WDR1: variants seen among roughly 807,000 people sequenced by gnomAD.
WDR1 encodes the protein WD repeat-containing protein 1.
A neutral mutation model predicts 71.9 loss-of-function variants in WDR1; 21 were observed. The observed-to-expected ratio is 0.29, with a 90% CI of 0.21 to 0.42. The LOEUF (loss-of-function observed/expected upper bound fraction) is 0.42. Among genes scored for constraint, WDR1 ranks in the 10% least tolerant of loss-of-function variants. The pLI, the probability that WDR1 is intolerant of heterozygous loss-of-function variation, is 1.00. For synonymous variants in WDR1, 424 were observed against 347.4 expected (o/e 1.22, Z -2.45); for missense variants, 696 against 824.5 (o/e 0.84, Z 1.91).
chr4:10,113,602 C>T (rs1342127540), intron 2 of WDR1, among the ~76,000 whole-genome samples: 1 of 152,106 alleles, frequency 6.6e-6, no homozygotes, highest in Non-Finnish European at 1.5e-5. Flanking sequence ...GTGAACAGAC[C>T]CCCAGGGCAA....
rs1325310061 is a variant in WDR1, at chr4:10,104,954, T to C, written c.139-968A>G. Among the ~76,000 whole-genome samples, 3 of 148,272 alleles carry C rather than the reference T, an allele frequency of 2.0e-5. No individual in the cohort carries two copies. The East Asian group carries it at 6.4e-4, about 31-fold the overall frequency. On this transcript the variant is annotated intron_variant, in intron 2 of 14. Transcript: ENST00000499869. ...CCACCCCTCATCTCCCTTAGACCCC[T>C]CCTCAAGACCTGAGGGGCCCCCATC...
rs2241469 is a variant in WDR1, at chr4:10,078,838, A to C, written c.1395+53T>G. On this transcript the variant is annotated intron_variant, in intron 12 of 14. Transcript: ENST00000499869. The stretch of plus-strand genomic sequence containing the variant: ...TACTCACACAGCTCACACTGTCCCC[A>C]AATCACCCAGATACCAAGGACAGAG... The C allele has an allele frequency of 0.29, 428,832 of 1,494,230 alleles. 63,993 individuals carry two copies. Among genetic ancestry groups the C allele is most frequent in the South Asian group, 0.44 (36,924 of 84,128 alleles). 92.6% of individuals were successfully genotyped at this position (1,494,230 alleles called of 1,614,324 possible). A position where few individuals can be genotyped will look rare whatever the true frequency, so the allele number is the denominator to read the frequency against.
rs182752635 is a variant in WDR1, at chr4:10,101,652, C to A, written c.229+2244G>T. On this transcript the variant is annotated intron_variant, in intron 3 of 14. Coordinates refer to ENST00000499869, the MANE Select transcript of WDR1 (RefSeq NM_017491.5). Reference sequence around the variant, plus strand: ...GTGGTCTGTCCTTTGCAACAGTCTCCGCAACAGCCTTCCATTGAATTCTGT... The same window carrying A: ...GTGGTCTGTCCTTTGCAACAGTCTCAGCAACAGCCTTCCATTGAATTCTGT... Among the ~76,000 whole-genome samples, 154 of 152,308 alleles carry A rather than the reference C, an allele frequency of 1.0e-3. No individual in the cohort carries two copies. The Middle Eastern group carries it at 0.01, about 10-fold the overall frequency.
At chr4:10,103,749 C>G in intron 3 of WDR1, 147 bp downstream of exon 3, 1 of 687,134 alleles carries the variant, frequency 1.5e-6, no homozygotes, top group Non-Finnish European at 2.5e-6. Context: ...TATACTGGCT[C>G]CCCTCAACTC....
At position 10,102,384 on chromosome 4, in the gene WDR1, G is replaced by A. The variant is rs138442050; in HGVS notation, c.229+1512C>T. 3.7e-3 allele frequency among the ~76,000 whole-genome samples: 565 copies of A among 152,310 alleles called. 3 individuals are homozygous for A. The highest frequency in any genetic ancestry group is 0.013 in the African/African-American group (535 of 41,554). On this transcript the variant is annotated intron_variant, in intron 3 of 14. Coordinates refer to ENST00000499869, the MANE Select transcript of WDR1 (RefSeq NM_017491.5). ...ACTTAATCCCCAATGCATCAGAGGC[G>A]GCCTATGGAGAGGTGATTAGGCCAG...
intron 3 of WDR1, among the ~76,000 whole-genome samples, chr4:10,101,309 G>A (rs990095387): frequency 1.8e-4 from 27 of 152,354 alleles, no homozygotes; most frequent in South Asian, 2.1e-4. Flanking sequence ...GACTGACAGG[G>A]TCTAAAGATC....
chr4:10,084,551 GCGGGTAAGCTGATGACACACTGCC>G, intron 8 of WDR1, 21 bp from the exon 9 acceptor site: 2 of 1,612,030 alleles, frequency 1.2e-6, no homozygotes, highest in Non-Finnish European at 1.7e-6. Context: ...GACACACTGG[GCGGGTAAGCTGATGACACACTGCC>G]CTGCCCTCTG....
rs752473497 is a variant in WDR1, at chr4:10,099,095, G to T, written c.274C>A (p.His92Asn). The T allele has an allele frequency of 2.6e-5, 42 of 1,606,892 alleles. No homozygotes were observed. The South Asian group carries it at 4.6e-4, about 18-fold the overall frequency. Residue 92 changes from histidine to asparagine, a missense_variant, in exon 4 of 15, where the codon CAC (histidine) becomes AAC (asparagine). Coordinates refer to ENST00000499869, the MANE Select transcript of WDR1 (RefSeq NM_017491.5). The stretch of plus-strand genomic sequence containing the variant: ...GGCTGGTACTCATACTTCAACAGGT[G>T]CTCCTTCTGCGTGGTATCCCAGATC... ...LRIWDTTQKE[H>N]LLKYEYQPFA...
chr4:10,116,311 G>C, intron 1 of WDR1, 77 bp from the exon 2 acceptor site: 1 of 1,595,178 alleles, frequency 6.3e-7, no homozygotes, highest in East Asian at 2.2e-5. Context: ...AGGAGCCCCG[G>C]ACCGGTCTCG....
At chr4:10,097,306 G>C (rs879427424) in intron 5 of WDR1, among the ~76,000 whole-genome samples, 4 of 152,366 alleles carry the variant, frequency 2.6e-5, no homozygotes, top group Admixed American at 2.6e-4. Flanking sequence ...GTCTCTAGGA[G>C]AGACCAATCT....
chr4:10,108,524 C>T (rs904144541), intron 2 of WDR1: 9 of 152,266 alleles, frequency 5.9e-5, no homozygotes, highest in African/African-American at 2.2e-4. Context: ...CCATGGTCCA[C>T]CCAGGCCAAG....
chr4:10,079,570 C>G (rs1430185025), intron 11 of WDR1, among the ~76,000 whole-genome samples: 2 of 152,232 alleles, frequency 1.3e-5, no homozygotes, highest in South Asian at 2.1e-4. Flanking sequence ...AGCAGAGGCT[C>G]TGCAGCGGGG....
chr4:10,113,613 C>T (rs1046511483), intron 2 of WDR1, among the ~76,000 whole-genome samples: 1 of 152,128 alleles, frequency 6.6e-6, no homozygotes, highest in African/African-American at 2.4e-5. Flanking sequence ...CCCAGGGCAA[C>T]AAGGGTGAAA....
intron 5 of WDR1, chr4:10,091,949 C>G (rs1235030584): frequency 6.6e-6 from 1 of 152,368 alleles, no homozygotes; most frequent in African/African-American, 2.4e-5. Flanking sequence ...GGGGGGTGGA[C>G]AGGGGTGTAT....
At position 10,097,841 on chromosome 4, in the gene WDR1, G is replaced by A. The variant is rs910259358; in HGVS notation, c.428C>T (p.Thr143Ile). Reference sequence around the variant, plus strand: ...GCTGTTGATGACTTTGTTGTGTCCTGTAATCTCGCCCACAGAAGAGCCACT... The same window carrying A: ...GCTGTTGATGACTTTGTTGTGTCCTATAATCTCGCCCACAGAAGAGCCACT... Reference protein sequence around the residue: ...WDSGSSVGEITGHNKVINSVD... With the variant: ...WDSGSSVGEIIGHNKVINSVD... Residue 143 changes from threonine (T) to isoleucine (I), a missense_variant, in exon 5 of 15, where the codon ACA becomes ATA. Physicochemically the swap from Thr to Ile is moderately conservative, Grantham distance 89. Coordinates refer to ENST00000499869, the MANE Select transcript of WDR1 (RefSeq NM_017491.5). 1.2e-6 allele frequency: 2 copies of A among 1,609,504 alleles called. No individual in the cohort carries two copies. The highest frequency in any genetic ancestry group is 1.7e-6 in the Non-Finnish European group (2 of 1,178,846).
At position 10,090,530 on chromosome 4, in the gene WDR1, T is replaced by C. The variant is rs571586922; in HGVS notation, c.559-1789A>G. Among the ~76,000 whole-genome samples, 15 of 152,318 alleles carry C rather than the reference T, an allele frequency of 9.8e-5. 1 individual carries two copies. The highest frequency in any genetic ancestry group is 2.6e-4 in the African/African-American group (11 of 41,560). ...CCCAAGAGTGATGCGACCCCAGACC[T>C]GTGGCACAAAAGCAACCCTGGGCTT... On this transcript the variant is annotated intron_variant, in intron 5 of 14. Coordinates refer to ENST00000499869, the MANE Select transcript of WDR1 (RefSeq NM_017491.5).
At position 10,093,211 on chromosome 4, in the gene WDR1, C is replaced by T. The variant is rs1049876559; in HGVS notation, c.559-4470G>A. 5 of 1,196,604 alleles carry T rather than the reference C, an allele frequency of 4.2e-6. No individual in the cohort carries two copies. The Admixed American group carries it at 7.0e-5, about 17-fold the overall frequency. The allele number at this position is 1,196,604 out of a possible 1,614,324, so 74.1% of individuals were successfully genotyped here. A position where few individuals can be genotyped will look rare whatever the true frequency, so the allele number is the denominator to read the frequency against. ...GAACCCTCTGGGAGCCCACCCCATT[C>T]CCCCCAGCCTCAGCTGACCCTGTAC... On this transcript the variant is annotated intron_variant, in intron 5 of 14. Coordinates refer to ENST00000499869, the MANE Select transcript of WDR1 (RefSeq NM_017491.5).
At chr4:10,080,665 AC>A (rs1764979844) in intron 11 of WDR1, among the ~76,000 whole-genome samples, 1 of 152,232 alleles carries the variant, frequency 6.6e-6, no homozygotes, top group Admixed American at 6.5e-5. Flanking sequence ...AGGCCCGCCA[AC>A]AGATAATATC....
chr4:10,107,038 GGGAAA>G lies in WDR1; in HGVS notation c.139-3057_139-3053del, dbSNP rs1713063228. Among the ~76,000 whole-genome samples the G allele has an allele frequency of 3.3e-5, 5 of 152,232 alleles. No individual in the cohort carries two copies. The East Asian group carries it at 9.7e-4, about 29-fold the overall frequency. ...GATTGGGGGTTGAGAAGCTTATTTG[GGGAAA>G]AACTCTGGAATGGGGAAAACGAGAC... On this transcript the variant is annotated intron_variant, in intron 2 of 14. Coordinates refer to ENST00000499869, the MANE Select transcript of WDR1 (RefSeq NM_017491.5).
Sources: gnomAD v4.1 joint callset for allele counts (sites outside exome capture counted in the v4.1 genomes callset) on GRCh38, gnomAD v4.1.1 for gene constraint, MANE v1.5 for transcripts, NCBI Gene and HGNC (gene_info 2026-07-23, HGNC 2026-07-21) for gene names.